The following GLMN variants were observed in gnomAD, a reference collection of about 807,000 sequenced individuals.
GLMN encodes the protein glomulin.
In GLMN, 75 loss-of-function variants were observed where a neutral mutation model predicts 87.8. That is an observed-to-expected ratio of 0.85 (90% confidence interval 0.71 to 1.04). The LOEUF (loss-of-function observed/expected upper bound fraction) is 1.04, where lower values mean the gene tolerates loss of function less well. Among genes scored for constraint, GLMN ranks in the 50% least tolerant of loss-of-function variants. GLMN has a pLI of 0.00. For missense variants in GLMN, 588 were observed against 658.8 expected (o/e 0.89, Z 1.18); for synonymous variants, 206 against 221.6 (o/e 0.93, Z 0.63).
chr1:92,253,877 C>T (rs915574016), intron 16 of GLMN, among the ~76,000 whole-genome samples: 4 of 152,198 alleles, frequency 2.6e-5, no homozygotes, highest in Admixed American at 2.0e-4. Flanking sequence ...AGGATCACAA[C>T]TCCTTGCCAG....
In GLMN at chr1:92,262,706, T is replaced by C. The variant is rs375648143; in HGVS notation, c.1473+157A>G. 1.4e-4 allele frequency among the ~76,000 whole-genome samples: 22 copies of C among 152,262 alleles called. 1 individual carries two copies. The East Asian group carries it at 1.9e-3, about 13-fold the overall frequency. On this transcript the variant is annotated intron_variant, in intron 16 of 18. Transcript: ENST00000370360. Reference sequence around the variant, plus strand: ...CTGGATGTGGGGTGGTAAATGCTCCTGGGAATTAACTTCAGGTTTCAGAAT... The same window carrying C: ...CTGGATGTGGGGTGGTAAATGCTCCCGGGAATTAACTTCAGGTTTCAGAAT...
the GLMN span, among the ~76,000 whole-genome samples, chr1:92,367,426 C>T: frequency 6.6e-6 from 1 of 152,178 alleles, no homozygotes; most frequent in East Asian, 1.9e-4. Context: ...AAGTGATAAA[C>T]ATAGTGCCTG....
At chr1:92,320,167 G>T in the GLMN span, among the ~76,000 whole-genome samples, 23 of 152,100 alleles carry the variant, frequency 1.5e-4, no homozygotes, top group African/African-American at 5.5e-4. Context: ...ACTTTATTGG[G>T]CTGGTGGAAT....
intron 1 of GLMN, among the ~76,000 whole-genome samples, chr1:92,298,646 G>A (rs1650460607): frequency 6.6e-6 from 1 of 152,188 alleles, no homozygotes; most frequent in African/African-American, 2.4e-5. Flanking sequence ...GCCTTCAGGA[G>A]GAGACCATCG....
the GLMN span, among the ~76,000 whole-genome samples, chr1:92,318,096 T>C: frequency 6.6e-6 from 1 of 152,234 alleles, no homozygotes; most frequent in Non-Finnish European, 1.5e-5. Context: ...TACTTTTGTT[T>C]TCTTGAGCTC....
At chr1:92,344,514 A>G in the GLMN span, among the ~76,000 whole-genome samples, 6 of 152,262 alleles carry the variant, frequency 3.9e-5, no homozygotes, top group Non-Finnish European at 7.3e-5. Context: ...TTTTATAAAT[A>G]TGCCACAGTT....
the GLMN span, among the ~76,000 whole-genome samples, chr1:92,354,420 T>G: frequency 6.6e-6 from 1 of 152,182 alleles, no homozygotes; most frequent in Non-Finnish European, 1.5e-5. Context: ...GTTCTATAGA[T>G]CTGTCACAAA....
At chr1:92,326,568 A>G in the GLMN span, among the ~76,000 whole-genome samples, 2 of 152,100 alleles carry the variant, frequency 1.3e-5, no homozygotes, top group African/African-American at 4.8e-5. Flanking sequence ...GTGGGTAGGG[A>G]AGGACCGTCA....
In GLMN at chr1:92,297,452, T is replaced by C. The variant is rs746810251; in HGVS notation, c.117A>G (p.Glu39=). The C allele has an allele frequency of 6.2e-7, 1 of 1,611,642 alleles. No individual in the cohort carries two copies. The highest frequency in any genetic ancestry group is 1.7e-5 in the Admixed American group (1 of 59,948). Residue 39 remains glutamate, a synonymous_variant, in exon 3 of 19, where the codon GAA becomes GAG. Transcript: ENST00000370360. ...TTTCTAATAGCTGGTCTGTGTGCCC[T>C]TCTTCTATGCATCTTTGCCCAGCTA... ...FQLAGQRCIE[E]GHTDQLLEII... is the part of the protein sequence containing the mutation.
chr1:92,343,117 G>A, the GLMN span, among the ~76,000 whole-genome samples: 1 of 151,528 alleles, frequency 6.6e-6, no homozygotes, highest in Non-Finnish European at 1.5e-5. Flanking sequence ...TAAGGCCAGA[G>A]GCCCTGGGAC....
chr1:92,304,680 C>T, the GLMN span, among the ~76,000 whole-genome samples: 11 of 152,058 alleles, frequency 7.2e-5, no homozygotes, highest in Admixed American at 3.9e-4. Context: ...TATATGACAG[C>T]GGGAGTATTG....
At position 92,268,138 on chromosome 1, in the gene GLMN, G is replaced by GA; in HGVS notation, c.978-4dup. On this transcript the variant is annotated splice_polypyrimidine_tract_variant and splice_region_variant and intron_variant, in intron 9 of 18. Coordinates refer to ENST00000370360, the MANE Select transcript of GLMN (RefSeq NM_053274.3). ...TGGAGATAACAGACTCTTCTGTTCT[G>GA]AAAAATAATATTAAAATTTATCATG... 1 of 1,364,848 alleles carries GA rather than the reference G, an allele frequency of 7.3e-7. No homozygotes were observed. The highest frequency in any genetic ancestry group is 1.0e-6 in the Non-Finnish European group (1 of 957,242). 84.5% of individuals were successfully genotyped at this position (1,364,848 alleles called of 1,614,324 possible). A position where few individuals can be genotyped will look rare whatever the true frequency, so the allele number is the denominator to read the frequency against.
chr1:92,351,325 A>G, the GLMN span, among the ~76,000 whole-genome samples: 18 of 150,530 alleles, frequency 1.2e-4, no homozygotes, highest in Middle Eastern at 6.8e-3. Context: ...AAAAAAAAAA[A>G]AAAGAAAGGA....
At chr1:92,299,048 C>G, upstream of GLMN, 1 of 1,394,732 alleles carries the variant, frequency 7.2e-7, no homozygotes, top group Non-Finnish European at 9.6e-7. Flanking sequence ...CGGAGCGTGT[C>G]CCCGTCCGGC....
intron 7 of GLMN, among the ~76,000 whole-genome samples, chr1:92,272,510 A>T (rs1017378150): frequency 3.9e-5 from 6 of 152,166 alleles, no homozygotes; most frequent in East Asian, 1.9e-4. Flanking sequence ...AATTTTTTTT[A>T]AAAAAGTGCT....
chr1:92,260,072 T>C (rs1654829020), intron 16 of GLMN, among the ~76,000 whole-genome samples: 1 of 151,982 alleles, frequency 6.6e-6, no homozygotes, highest in African/African-American at 2.4e-5. Flanking sequence ...TTCCAAAAAC[T>C]CAGGAAGTGT....
chr1:92,309,495 C>T, the GLMN span, among the ~76,000 whole-genome samples: 1 of 151,600 alleles, frequency 6.6e-6, no homozygotes, highest in Non-Finnish European at 1.5e-5. Flanking sequence ...ACTTAATTTA[C>T]ATTTAAATTG....
chr1:92,267,084 T>C, intron 11 of GLMN, among the ~76,000 whole-genome samples: 1 of 152,338 alleles, frequency 6.6e-6, no homozygotes, highest in Non-Finnish European at 1.5e-5. Context: ...TGTTTTTCTA[T>C]TTAAATATTA....
At chr1:92,336,627 A>G in the GLMN span, among the ~76,000 whole-genome samples, 1 of 152,304 alleles carries the variant, frequency 6.6e-6, no homozygotes, top group Non-Finnish European at 1.5e-5. Flanking sequence ...AAGCCATTAT[A>G]TATTTCACTT....
Sources: allele counts gnomAD v4.1 joint callset (sites outside exome capture counted in the v4.1 genomes callset), GRCh38; gene constraint gnomAD v4.1.1; transcripts MANE v1.5; gene names NCBI Gene and HGNC (gene_info 2026-07-23, HGNC 2026-07-21).